Variants in MZT2B observed in about 807,000 individuals in gnomAD.
MZT2B encodes the protein mitotic spindle organizing protein 2B.
Under a neutral mutation model 12.1 loss-of-function variants are expected in MZT2B, and 11 were observed. The ratio of observed to expected loss-of-function variants is 0.91; its 90% confidence interval spans 0.57 to 1.50. The LOEUF (loss-of-function observed/expected upper bound fraction) is 1.50. Ranked by LOEUF, MZT2B falls within the 40% of genes most tolerant of loss-of-function variation. MZT2B has a pLI of 0.00. For missense variants in MZT2B, 209 were observed against 227.7 expected, an observed-to-expected ratio of 0.92 and a Z score of 0.53; for synonymous variants, 85 against 109.5, an observed-to-expected ratio of 0.78 and a Z score of 1.40.
At chr2:130,192,089 C>T (rs752991309), downstream of MZT2B, 1 of 1,606,962 alleles carries the variant, frequency 6.2e-7, no homozygotes, top group African/African-American at 1.3e-5. Context: ...CCAGGTCTCC[C>T]CCGGGGACCA....
chr2:130,182,204 A>G (rs1046785131), upstream of MZT2B: 312 of 1,246,110 alleles, frequency 2.5e-4, no homozygotes, highest in African/African-American at 3.5e-3. Flanking sequence ...CCAGACGTTG[A>G]CGCTGCAGGG....
rs747293051 is a variant in MZT2B, at chr2:130,190,638, G to A, written c.*12G>A. On this transcript the variant is annotated 3_prime_UTR_variant, in exon 3 of 3. Coordinates refer to ENST00000281871, the MANE Select transcript of MZT2B (RefSeq NM_025029.5). ...GGGGCAGCACCTAGGATGGGGCAGA[G>A]ACTTGTTGCATCTTTGTCCCCAGCA... 15 of 1,591,218 alleles carry A rather than the reference G, an allele frequency of 9.4e-6. No homozygotes were observed. Among genetic ancestry groups the A allele is most frequent in the Non-Finnish European group, 1.3e-5 (15 of 1,163,058 alleles).
Position 130,190,425 on chromosome 2 carries a change from C to T in MZT2B, c.320-44C>T, listed in dbSNP as rs374738340. 5.6e-5 allele frequency: 89 copies of T among 1,599,672 alleles called. 1 individual carries two copies. In the Middle Eastern group the frequency reaches 8.7e-4, roughly 16 times the overall value. On this transcript the variant is annotated intron_variant, in intron 2 of 2. Transcript: ENST00000281871. ...ACGAGTACAGCAGGTGCTGCAGTTA[C>T]GGGGCACGCCCATTCCTAATCATTG...
At chr2:130,181,867 C>G, upstream of MZT2B, 1 of 1,530,076 alleles carries the variant, frequency 6.5e-7, no homozygotes, top group East Asian at 2.5e-5. Flanking sequence ...CCCCCTTCCC[C>G]CCGCCCGCCC....
At chr2:130,186,232 G>A (rs1413568167) in intron 2 of MZT2B, among the ~76,000 whole-genome samples, 1 of 152,100 alleles carries the variant, frequency 6.6e-6, no homozygotes, top group Non-Finnish European at 1.5e-5. Context: ...TGTGGGCCAG[G>A]CCCTCTCAAG....
the MZT2B span, among the ~76,000 whole-genome samples, chr2:130,198,202 C>G: frequency 8.1e-6 from 1 of 123,904 alleles, no homozygotes; most frequent in Non-Finnish European, 1.8e-5. Context: ...CCTGCAGATC[C>G]AGGAAACGAT....
At chr2:130,198,681 G>T in the MZT2B span, among the ~76,000 whole-genome samples, 1 of 123,408 alleles carries the variant, frequency 8.1e-6, no homozygotes, top group Non-Finnish European at 1.8e-5. Context: ...AACAGCTACT[G>T]CGCTGCCTCT....
upstream of MZT2B, chr2:130,182,086 C>T: frequency 7.4e-7 from 1 of 1,349,218 alleles, no homozygotes; most frequent in Non-Finnish European, 9.6e-7. Flanking sequence ...GCTCCTAGAG[C>T]GCCGCTCAGC....
chr2:130,184,624 G>C, intron 2 of MZT2B: 1 of 985,408 alleles, frequency 1.0e-6, no homozygotes, highest in Non-Finnish European at 1.2e-6. Flanking sequence ...CCCAAGGGAG[G>C]GTGGAGAGGG....
intron 2 of MZT2B, among the ~76,000 whole-genome samples, chr2:130,189,897 G>A (rs1309540991): frequency 6.6e-6 from 1 of 152,200 alleles, no homozygotes; most frequent in Non-Finnish European, 1.5e-5. Flanking sequence ...AGCTAAACCC[G>A]AAAGCAAGAG....
intron 2 of MZT2B, 178 bp downstream of exon 2, chr2:130,182,953 G>T: frequency 1.2e-6 from 1 of 821,800 alleles, no homozygotes; most frequent in Non-Finnish European, 1.8e-6. Flanking sequence ...AGCCTTAGGA[G>T]GCACGTCCAG....
chr2:130,194,324 G>C, downstream of MZT2B: 1 of 1,612,964 alleles, frequency 6.2e-7, no homozygotes, highest in South Asian at 1.1e-5. Flanking sequence ...CTGGGGGGCT[G>C]GGTAAATGGC....
chr2:130,194,601 C>T, downstream of MZT2B: 1 of 1,203,488 alleles, frequency 8.3e-7, no homozygotes, highest in African/African-American at 1.5e-5. Flanking sequence ...ATGCAATACA[C>T]TTTGAAGCAA....
chr2:130,183,063 A>G, intron 2 of MZT2B: 1 of 543,094 alleles, frequency 1.8e-6, no homozygotes, highest in Non-Finnish European at 3.2e-6. Flanking sequence ...TTCATCCTAC[A>G]ACGTCGGGAA....
intron 2 of MZT2B, chr2:130,183,167 A>C (rs1689855351): frequency 6.1e-6 from 2 of 326,916 alleles, no homozygotes; most frequent in Non-Finnish European, 1.1e-5. Flanking sequence ...GTTTTAGACC[A>C]CTCTGGGTGA....
chr2:130,197,510 A>AAG, the MZT2B span, among the ~76,000 whole-genome samples: 1 of 110,370 alleles, frequency 9.1e-6, no homozygotes, highest in African/African-American at 4.3e-5. Flanking sequence ...AAAAAAAAAG[A>AAG]AAAGAAAAGA....
chr2:130,196,197 T>C, the MZT2B span: 1 of 1,613,988 alleles, frequency 6.2e-7, no homozygotes, highest in Non-Finnish European at 8.5e-7. Flanking sequence ...GGCACGTGCT[T>C]GCCAGCTCCA....
At chr2:130,199,765 C>T in the MZT2B span, among the ~76,000 whole-genome samples, 6 of 98,610 alleles carry the variant, frequency 6.1e-5, 3 homozygotes, top group Admixed American at 2.5e-4. Flanking sequence ...CCTACCTCGG[C>T]TGGCCTAGCC....
chr2:130,190,571 C>T lies in MZT2B; in HGVS notation c.422C>T (p.Thr141Ile), dbSNP rs1225579261. 2.5e-6 allele frequency: 4 copies of T among 1,613,598 alleles called. No individual in the cohort carries two copies. Among genetic ancestry groups the T allele is most frequent in the East Asian group, 4.5e-5 (2 of 44,838 alleles). Reference protein sequence around the residue: ...SQRMPRQPSATRLPKGGGPGK... With the variant: ...SQRMPRQPSAIRLPKGGGPGK... ...AGGATGCCACGCCAGCCCAGCGCTA[C>T]CAGGCTGCCCAAGGGGGGCGGGCCT... is the stretch of plus-strand genomic sequence containing the variant. The change falls in exon 3 of 3, where the codon ACC (threonine) becomes ATC (isoleucine). Residue 141 changes from threonine to isoleucine, a missense_variant. Transcript: ENST00000281871.
Sources: allele counts gnomAD v4.1 joint callset (sites outside exome capture counted in the v4.1 genomes callset), GRCh38; gene constraint gnomAD v4.1.1; transcripts MANE v1.5; gene names NCBI Gene and HGNC (gene_info 2026-07-23, HGNC 2026-07-21).